Variants in ZNF385D observed in about 807,000 individuals in gnomAD.
The protein encoded by ZNF385D is zinc finger protein 385D.
Under a neutral mutation model 35.8 loss-of-function variants are expected in ZNF385D, and 15 were observed. The ratio of observed to expected loss-of-function variants is 0.42; its 90% CI spans 0.28 to 0.64. The LOEUF (loss-of-function observed/expected upper bound fraction) is 0.64. ZNF385D is among the 30% of genes least tolerant of loss of function. The probability of loss-of-function intolerance (pLI) is 0.23; values close to 1 mark genes in which losing one functional copy is unlikely to be tolerated. For synonymous variants in ZNF385D, 212 were observed against 186.8 expected (o/e 1.13, Z -1.10); for missense variants, 474 against 494.6 (o/e 0.96, Z 0.39).
At chr3:22,345,306 C>T (rs1049331896) in intron 2 of ZNF385D, among the ~76,000 whole-genome samples, 1 of 152,142 alleles carries the variant, frequency 6.6e-6, no homozygotes, top group South Asian at 2.1e-4. Context: ...GTCTATTTTA[C>T]CATACTCAAT....
At chr3:21,844,042 T>A (rs901048504) in intron 3 of ZNF385D, among the ~76,000 whole-genome samples, 1 of 151,878 alleles carries the variant, frequency 6.6e-6, no homozygotes, top group Non-Finnish European at 1.5e-5. Flanking sequence ...GTTCTAGGAA[T>A]TGTGTTGGAA....
chr3:22,140,514 A>C (rs1432511547), intron 3 of ZNF385D, among the ~76,000 whole-genome samples: 1 of 152,186 alleles, frequency 6.6e-6, no homozygotes, highest in East Asian at 1.9e-4. Flanking sequence ...ATAAAATTTC[A>C]TAGAACTATA....
At chr3:22,321,490 C>A (rs547438745) in intron 2 of ZNF385D, among the ~76,000 whole-genome samples, 2 of 151,972 alleles carry the variant, frequency 1.3e-5, no homozygotes, top group African/African-American at 4.8e-5. Flanking sequence ...CTCAGCCTCT[C>A]GAGTAGCTGG....
intron 2 of ZNF385D, among the ~76,000 whole-genome samples, chr3:22,287,614 T>C (rs1252206244): frequency 1.3e-5 from 2 of 151,978 alleles, no homozygotes; most frequent in East Asian, 1.9e-4. Flanking sequence ...AAAATCTAAC[T>C]TGGCATACAC....
At position 22,123,960 on chromosome 3, in the gene ZNF385D, CTCTATATATATATA is replaced by C. The variant is rs1427470222; in HGVS notation, c.325+44843_325+44856del. On this transcript the variant is annotated intron_variant, in intron 3 of 5. Coordinates refer to the ZNF385D transcript ENST00000494108. ...TCTCTCTCTCTCTCTCTCTCTCTCTCTCTATATATATATATATATATATATATATTGCTGACTGA... is the reference window on the plus strand; with the variant it reads ...TCTCTCTCTCTCTCTCTCTCTCTCTCTATATATATATATATTGCTGACTGA... Among the ~76,000 whole-genome samples, 402 of 72,830 alleles carry C rather than the reference CTCTATATATATATA, an allele frequency of 5.5e-3. 4 individuals carry two copies. Among genetic ancestry groups the C allele is most frequent in the African/African-American group, 0.017 (371 of 21,810 alleles). 47.8% of individuals were successfully genotyped at this position (72,830 alleles called of 152,430 possible).
chr3:21,564,442 T>G (rs1248196293), intron 3 of ZNF385D, 132 bp downstream of exon 3: 1 of 501,990 alleles, frequency 2.0e-6, no homozygotes, highest in Non-Finnish European at 3.3e-6. Flanking sequence ...ACATAGTGAG[T>G]TAAAATGTTA....
chr3:22,363,174 C>CCCACTGGACCTTGT (rs1696495622), intron 2 of ZNF385D, among the ~76,000 whole-genome samples: 2 of 152,036 alleles, frequency 1.3e-5, no homozygotes, highest in South Asian at 4.1e-4. Flanking sequence ...CTGGACCTTG[C>CCCACTGGACCTTGT]CCACTACTGC....
At chr3:22,183,184 T>C (rs145145445) in intron 2 of ZNF385D, among the ~76,000 whole-genome samples, 20 of 152,238 alleles carry the variant, frequency 1.3e-4, no homozygotes, top group Non-Finnish European at 2.1e-4. Flanking sequence ...AGTTTACATA[T>C]AGTATTAAGA....
chr3:21,881,771 A>G (rs1698288928), intron 3 of ZNF385D, among the ~76,000 whole-genome samples: 1 of 152,024 alleles, frequency 6.6e-6, no homozygotes. Flanking sequence ...AGATGCCATT[A>G]AGCATATTCA....
intron 3 of ZNF385D, among the ~76,000 whole-genome samples, chr3:21,967,154 G>C (rs145063108): frequency 3.9e-5 from 6 of 152,220 alleles, no homozygotes; most frequent in South Asian, 2.1e-4. Flanking sequence ...ATCTAGATGT[G>C]ATGTAATGGT....
chr3:21,619,938 A>C (rs770484300), intron 2 of ZNF385D, among the ~76,000 whole-genome samples: 7 of 152,098 alleles, frequency 4.6e-5, no homozygotes, highest in Non-Finnish European at 1.0e-4. Flanking sequence ...TTACACCCTG[A>C]GTTCTTGCCA....
At chr3:21,557,915 T>C (rs1338008660) in intron 3 of ZNF385D, among the ~76,000 whole-genome samples, 1 of 152,084 alleles carries the variant, frequency 6.6e-6, no homozygotes, top group African/African-American at 2.4e-5. Flanking sequence ...ATCCATTTCT[T>C]CTAGATTTTC....
At chr3:22,132,185 G>A (rs367790417) in intron 3 of ZNF385D, among the ~76,000 whole-genome samples, 19 of 152,100 alleles carry the variant, frequency 1.2e-4, no homozygotes, top group Non-Finnish European at 4.4e-5. Flanking sequence ...TTGGAGGCAG[G>A]ATCTTGGGTC....
chr3:21,640,128 T>C (rs955313731), intron 2 of ZNF385D, among the ~76,000 whole-genome samples: 2 of 152,094 alleles, frequency 1.3e-5, no homozygotes, highest in African/African-American at 4.8e-5. Flanking sequence ...CTTTGAGAAA[T>C]AAAGAAGCCT....
chr3:21,805,646 C>A (rs964818626), intron 3 of ZNF385D, among the ~76,000 whole-genome samples: 4 of 152,134 alleles, frequency 2.6e-5, no homozygotes, highest in Admixed American at 2.6e-4. Context: ...TTTGATCATC[C>A]ACCTCTGACA....
chr3:21,879,956 C>T (rs1442186154), intron 3 of ZNF385D, among the ~76,000 whole-genome samples: 1 of 151,884 alleles, frequency 6.6e-6, no homozygotes, highest in African/African-American at 2.4e-5. Flanking sequence ...TTAAATCAGT[C>T]CACCAAATTA....
Position 21,421,309 on chromosome 3 carries a change from G to T in ZNF385D, c.1093C>A (p.Leu365Met). The T allele has an allele frequency of 6.2e-7, 1 of 1,614,128 alleles. No individual in the cohort carries two copies. The highest frequency in any genetic ancestry group is 1.1e-5 in the South Asian group (1 of 91,064). ...GGAGGAAGCGCGGAAGTCTGGAACA[G>T]TGTTGCTGCTGGAGCAGTTCGAAGA... ...FSLRTAPAATLFQTSALPPAL... is the reference protein window; with the variant it reads ...FSLRTAPAATMFQTSALPPAL... Residue 365 changes from leucine (L) to methionine (M), a missense_variant, in exon 8 of 8, where the codon CTG becomes ATG. Physicochemically the swap from Leu to Met is conservative, Grantham distance 15. Coordinates refer to ENST00000281523, the MANE Select transcript of ZNF385D (RefSeq NM_024697.3).
intron 2 of ZNF385D, among the ~76,000 whole-genome samples, chr3:22,279,207 A>T (rs1001460376): frequency 6.6e-6 from 1 of 151,938 alleles, no homozygotes; most frequent in Non-Finnish European, 1.5e-5. Flanking sequence ...TGTACTCATC[A>T]CCCAAGCAAT....
chr3:21,490,565 C>T (rs1705357971), intron 4 of ZNF385D, among the ~76,000 whole-genome samples: 1 of 152,106 alleles, frequency 6.6e-6, no homozygotes, highest in African/African-American at 2.4e-5. Context: ...AATACAGCTT[C>T]AGCCTAGCTG....
Sources: allele counts gnomAD v4.1 joint callset (sites outside exome capture counted in the v4.1 genomes callset), GRCh38; gene constraint gnomAD v4.1.1; transcripts MANE v1.5; gene names NCBI Gene and HGNC (gene_info 2026-07-23, HGNC 2026-07-21).